Variants in RRAGD observed in about 807,000 individuals in gnomAD.
RRAGD encodes the protein Ras related GTP binding D.
Under a neutral mutation model 35.5 loss-of-function variants are expected in RRAGD, and 12 were observed. The observed-to-expected ratio is 0.34, with a 90% confidence interval of 0.22 to 0.55. RRAGD has a LOEUF of 0.55. RRAGD is among the 20% of genes least tolerant of loss of function. The pLI is 0.91. For synonymous variants in RRAGD, 155 were observed against 178.9 expected (o/e 0.87, Z 1.07); for missense variants, 324 against 490.1 (o/e 0.66, Z 3.20).
chr6:89,377,629 G>A, intron 5 of RRAGD, 42 bp downstream of exon 5: 1 of 1,487,762 alleles, frequency 6.7e-7, no homozygotes, highest in Non-Finnish European at 9.0e-7. Context: ...GGTTATGAAG[G>A]AAGGATGGCT....
chr6:89,372,569 C>T lies in RRAGD; in HGVS notation c.919G>A (p.Ala307Thr). 1 of 1,540,528 alleles carries T rather than the reference C, an allele frequency of 6.5e-7. No homozygotes were observed. Among genetic ancestry groups the T allele is most frequent in the Non-Finnish European group, 8.7e-7 (1 of 1,148,636 alleles). The change falls in exon 6 of 7, where the codon GCA (alanine) becomes ACA (threonine). Residue 307 changes from alanine to threonine, a missense_variant. Coordinates refer to ENST00000369415, the MANE Select transcript of RRAGD (RefSeq NM_021244.5). ...GATTCCTTGTCATAGGGGGTTCCTGCTCCATCTTCTTTGAGACTAAATGGG... is the reference window on the plus strand; with the variant it reads ...GATTCCTTGTCATAGGGGGTTCCTGTTCCATCTTCTTTGAGACTAAATGGG... ...SCIYGLKEDGAGTPYDKESTA... is the reference protein window; with the variant it reads ...SCIYGLKEDGTGTPYDKESTA...
chr6:89,402,038 ATTTT>A lies in RRAGD; in HGVS notation c.148+9804_148+9807del, dbSNP rs71556520. Reference sequence around the variant, plus strand: ...TGAAAGCACTGAGGAAATCCTAAGGATTTTTTTTTTTTTTTTTTTTTTGGTGGGG... The same window carrying A: ...TGAAAGCACTGAGGAAATCCTAAGGATTTTTTTTTTTTTTTTTTGGTGGGG... On this transcript the variant is annotated intron_variant, in intron 1 of 6. Transcript: ENST00000369415. Among the ~76,000 whole-genome samples the A allele has an allele frequency of 5.7e-4, 45 of 78,432 alleles. 1 individual carries two copies. The highest frequency in any genetic ancestry group is 2.0e-3 in the African/African-American group (32 of 15,868). The allele number at this position is 78,432 out of a possible 152,430, so 51.5% of individuals were successfully genotyped here.
intron 1 of RRAGD, among the ~76,000 whole-genome samples, chr6:89,389,255 G>A (rs1769189411): frequency 6.6e-6 from 1 of 152,024 alleles, no homozygotes; most frequent in Non-Finnish European, 1.5e-5. Context: ...GGCATTACTG[G>A]ATAAAAGTAG....
At chr6:89,410,187 T>C (rs1433002667) in intron 1 of RRAGD, among the ~76,000 whole-genome samples, 1 of 152,072 alleles carries the variant, frequency 6.6e-6, no homozygotes, top group Non-Finnish European at 1.5e-5. Context: ...AAACGAGGGG[T>C]CCAGTACTTT....
intron 5 of RRAGD, among the ~76,000 whole-genome samples, chr6:89,375,595 G>C (rs996778894): frequency 2.0e-5 from 3 of 152,228 alleles, no homozygotes; most frequent in Non-Finnish European, 4.4e-5. Context: ...GGGCAGGTGG[G>C]GAGGGGCAGC....
In RRAGD at chr6:89,365,776, T is replaced by C. The variant is rs1047014665; in HGVS notation, c.*2280A>G. ...ACCCATCATATACCCAGCTTAAACATGGAAGCTCCAACCTGGTTATAGTAA... is the reference window on the plus strand; with the variant it reads ...ACCCATCATATACCCAGCTTAAACACGGAAGCTCCAACCTGGTTATAGTAA... On this transcript the variant is annotated 3_prime_UTR_variant, in exon 7 of 7. Transcript: ENST00000369415. The C allele has an allele frequency of 2.6e-5, 4 of 152,208 alleles. No homozygotes were observed. The highest frequency in any genetic ancestry group is 5.9e-5 in the Non-Finnish European group (4 of 68,034). 9.4% of individuals were successfully genotyped at this position (152,208 alleles called of 1,614,324 possible).
intron 2 of RRAGD, 57 bp downstream of exon 2, chr6:89,387,237 TG>T (rs1182099969): frequency 6.6e-7 from 1 of 1,521,378 alleles, no homozygotes; most frequent in African/African-American, 1.4e-5. Context: ...ACCAAAAACA[TG>T]GGGTGGGGTG....
At chr6:89,404,649 G>C (rs775257641) in intron 1 of RRAGD, among the ~76,000 whole-genome samples, 1 of 152,160 alleles carries the variant, frequency 6.6e-6, no homozygotes, top group East Asian at 1.9e-4. Flanking sequence ...AACACCTGAA[G>C]GCTAATCACT....
In RRAGD at chr6:89,387,286, G is replaced by A; in HGVS notation, c.444+9C>T. 6.2e-7 allele frequency: 1 copy of A among 1,611,140 alleles called. No homozygotes were observed. The highest frequency in any genetic ancestry group is 1.1e-5 in the South Asian group (1 of 90,946). On this transcript the variant is annotated intron_variant, in intron 2 of 6. Coordinates refer to ENST00000369415, the MANE Select transcript of RRAGD (RefSeq NM_021244.5). ...CAGGCCATCATACCCCTGAGACTCT[G>A]AGCTTTACCTGTGAGTCAATGACAA... is the stretch of plus-strand genomic sequence containing the variant.
rs1263317764 is a variant in RRAGD at position 89,367,849 on chromosome 6, A to C, written c.*207T>G. Reference sequence around the variant, plus strand: ...GTGTAATGAAATGACAATGGATTTCACATCACTGTTAATATACAAGTTTTT... The same window carrying C: ...GTGTAATGAAATGACAATGGATTTCCCATCACTGTTAATATACAAGTTTTT... On this transcript the variant is annotated 3_prime_UTR_variant, in exon 7 of 7. Coordinates refer to ENST00000369415, the MANE Select transcript of RRAGD (RefSeq NM_021244.5). 2.5e-6 allele frequency: 1 copy of C among 405,622 alleles called. No homozygotes were observed. The highest frequency in any genetic ancestry group is 4.3e-6 in the Non-Finnish European group (1 of 230,726). 25.1% of individuals were successfully genotyped at this position (405,622 alleles called of 1,614,324 possible).
intron 6 of RRAGD, among the ~76,000 whole-genome samples, chr6:89,369,052 C>T (rs546527173): frequency 9.2e-5 from 14 of 151,898 alleles, no homozygotes; most frequent in Non-Finnish European, 1.6e-4. Flanking sequence ...TCTAGAGCCG[C>T]GTCCAAAGGA....
intron 1 of RRAGD, 51 bp from the exon 2 acceptor site, chr6:89,387,641 A>C (rs757528999): frequency 5.3e-6 from 8 of 1,508,324 alleles, no homozygotes; most frequent in Non-Finnish European, 7.2e-6. Flanking sequence ...CACAGAGGTT[A>C]ATTAGAGGAG....
In RRAGD at chr6:89,392,621, G is replaced by A. The variant is rs980374679; in HGVS notation, c.149-5031C>T. Among the ~76,000 whole-genome samples the A allele has an allele frequency of 4.6e-5, 7 of 151,872 alleles. No homozygotes were observed. The East Asian group carries it at 7.7e-4, about 17-fold the overall frequency. On this transcript the variant is annotated intron_variant, in intron 1 of 6. Coordinates refer to ENST00000369415, the MANE Select transcript of RRAGD (RefSeq NM_021244.5). ...AATCCAATACAGACTGAAAAGTAAC[G>A]TTTTATTTCCCTATTGTAACCAACA...
intron 1 of RRAGD, among the ~76,000 whole-genome samples, chr6:89,403,295 A>T (rs540725931): frequency 1.3e-5 from 2 of 152,214 alleles, no homozygotes; most frequent in Non-Finnish European, 2.9e-5. Context: ...AATACAAAAA[A>T]TTAGCTGGGC....
intron 5 of RRAGD, among the ~76,000 whole-genome samples, chr6:89,373,568 A>C (rs541402010): frequency 1.8e-4 from 27 of 149,238 alleles, no homozygotes; most frequent in Admixed American, 1.7e-3. Flanking sequence ...CCGTGAGCCG[A>C]GATTGTGCCA....
At position 89,411,994 on chromosome 6, in the gene RRAGD, C is replaced by A; in HGVS notation, c.-1G>T. On this transcript the variant is annotated 5_prime_UTR_variant, in exon 1 of 7. Transcript: ENST00000369415. The surrounding 1 kb of genome is among the most constrained non-coding windows in gnomAD (Gnocchi z 5.6). ...GCGGCTTCCCCAGCACCTGGCTCATCGTGCCCACCGGCCGGCCGGCCCGGG... is the reference window on the plus strand; with the variant it reads ...GCGGCTTCCCCAGCACCTGGCTCATAGTGCCCACCGGCCGGCCGGCCCGGG... The A allele has an allele frequency of 6.5e-7, 1 of 1,527,762 alleles. No homozygotes were observed. Among genetic ancestry groups the A allele is most frequent in the South Asian group, 1.2e-5 (1 of 83,186 alleles). The allele number at this position is 1,527,762 out of a possible 1,614,324, so 94.6% of individuals were successfully genotyped here. A position where few individuals can be genotyped will look rare whatever the true frequency, so the allele number is the denominator to read the frequency against.
chr6:89,403,943 C>T (rs1582524535), intron 1 of RRAGD, among the ~76,000 whole-genome samples: 1 of 152,158 alleles, frequency 6.6e-6, no homozygotes, highest in East Asian at 1.9e-4. Flanking sequence ...CAGGCATTAG[C>T]CACTGAGCCT....
At chr6:89,370,518 T>C (rs2127883719) in intron 6 of RRAGD, among the ~76,000 whole-genome samples, 1 of 152,364 alleles carries the variant, frequency 6.6e-6, no homozygotes, top group South Asian at 2.1e-4. Flanking sequence ...AACATTTTGG[T>C]AATATGCATT....
intron 1 of RRAGD, among the ~76,000 whole-genome samples, chr6:89,393,438 C>G (rs1248062245): frequency 6.6e-6 from 1 of 152,130 alleles, no homozygotes; most frequent in Non-Finnish European, 1.5e-5. Context: ...GGCCCACTCA[C>G]CCAAACTTAC....
Sources: gnomAD v4.1 joint callset for allele counts (sites outside exome capture counted in the v4.1 genomes callset) on GRCh38, gnomAD v4.1.1 for gene constraint, Gnocchi (gnomAD v3.1) non-coding constraint, MANE v1.5 for transcripts, NCBI Gene and HGNC (gene_info 2026-07-23, HGNC 2026-07-21) for gene names.